Variants in SLC25A48 observed in about 807,000 individuals in gnomAD.
SLC25A48 encodes CTC-321K16.1.
SLC25A48 carries 29 observed loss-of-function variants against 32.2 expected under a neutral mutation model. The observed-to-expected ratio is 0.90, with a 90% CI of 0.67 to 1.23. The LOEUF is 1.23. SLC25A48 is among the 50% of genes most tolerant of loss of function. SLC25A48 has a pLI of 0.00. For synonymous variants in SLC25A48, 164 were observed against 172.3 expected (o/e 0.95, Z 0.38); for missense variants, 399 against 422.7 (o/e 0.94, Z 0.49).
At chr5:135,796,720 C>G (rs923103744) in intron 3 of SLC25A48, among the ~76,000 whole-genome samples, 1 of 151,540 alleles carries the variant, frequency 6.6e-6, no homozygotes, top group Admixed American at 6.6e-5. Flanking sequence ...TTGTGAAGAT[C>G]GTGATATTAC....
chr5:135,621,281 G>C (rs1244645794), intron 1 of SLC25A48, among the ~76,000 whole-genome samples: 1 of 152,196 alleles, frequency 6.6e-6, no homozygotes, highest in Non-Finnish European at 1.5e-5. Flanking sequence ...GCCTAGAGCA[G>C]TACCTGCTAC....
intron 3 of SLC25A48, among the ~76,000 whole-genome samples, chr5:135,673,040 T>C (rs915287797): frequency 1.3e-5 from 2 of 152,252 alleles, no homozygotes; most frequent in Non-Finnish European, 2.9e-5. Flanking sequence ...TTAATATTCC[T>C]CCATGCTATT....
Position 135,674,549 on chromosome 5 carries a change from G to T in SLC25A48, c.-521+39593G>T, listed in dbSNP as rs561062407. On this transcript the variant is annotated intron_variant, in intron 3 of 10. Transcript: ENST00000646290. ...GAACATGTGATGATTGTCTTTCTGT[G>T]CCTTTTTTTTCTGTGTCTTTTTTTC... Among the ~76,000 whole-genome samples the T allele has an allele frequency of 2.0e-5, 3 of 151,326 alleles. No homozygotes were observed. In the East Asian group the frequency reaches 5.8e-4, roughly 29 times the overall value.
At chr5:135,696,739 C>T (rs1284501911) in intron 3 of SLC25A48, among the ~76,000 whole-genome samples, 1 of 152,156 alleles carries the variant, frequency 6.6e-6, no homozygotes, top group East Asian at 1.9e-4. Flanking sequence ...TGTACACCTG[C>T]GGGAGGCCTC....
intron 3 of SLC25A48, among the ~76,000 whole-genome samples, chr5:135,672,902 C>T (rs1753688211): frequency 6.6e-6 from 1 of 152,128 alleles, no homozygotes; most frequent in African/African-American, 2.4e-5. Context: ...ATGCTCCACC[C>T]CCAAGCATAC....
At chr5:135,698,856 AG>A (rs1754326754) in intron 3 of SLC25A48, among the ~76,000 whole-genome samples, 1 of 152,240 alleles carries the variant, frequency 6.6e-6, no homozygotes, top group African/African-American at 2.4e-5. Context: ...ATCAGAAAAA[AG>A]GACAAACAAG....
At chr5:135,709,776 G>T (rs547225453) in intron 3 of SLC25A48, among the ~76,000 whole-genome samples, 63 of 152,258 alleles carry the variant, frequency 4.1e-4, no homozygotes, top group African/African-American at 1.5e-3. Flanking sequence ...GTTTGTATAA[G>T]ATAATGCCTT....
At chr5:135,737,218 T>G (rs961832964) in intron 3 of SLC25A48, among the ~76,000 whole-genome samples, 1 of 151,922 alleles carries the variant, frequency 6.6e-6, no homozygotes, top group Admixed American at 6.6e-5. Flanking sequence ...TGGGGCCGTT[T>G]TATAGGATTT....
intron 1 of SLC25A48, among the ~76,000 whole-genome samples, chr5:135,587,166 G>C (rs1666431577): frequency 1.3e-5 from 2 of 152,094 alleles, no homozygotes; most frequent in Non-Finnish European, 2.9e-5. Context: ...AAGCAGCTGG[G>C]ACTACAGGCA....
intron 7 of SLC25A48, among the ~76,000 whole-genome samples, chr5:135,880,910 G>C (rs1762422501): frequency 1.3e-5 from 2 of 152,170 alleles, no homozygotes; most frequent in South Asian, 4.2e-4. Context: ...TCTCAGCTAG[G>C]GTGAGTCGCG....
chr5:135,597,302 A>G (rs917796595), intron 1 of SLC25A48, among the ~76,000 whole-genome samples: 2 of 152,216 alleles, frequency 1.3e-5, no homozygotes, highest in East Asian at 3.9e-4. Context: ...CTACAAAATC[A>G]TGGGAAGGGC....
chr5:135,692,261 G>C (rs1354273237), intron 3 of SLC25A48, among the ~76,000 whole-genome samples: 3 of 148,914 alleles, frequency 2.0e-5, no homozygotes, highest in Admixed American at 6.7e-5. Context: ...GGGGGTTGCA[G>C]TGAGCCGAGA....
At chr5:135,744,178 C>A (rs958303642) in intron 3 of SLC25A48, among the ~76,000 whole-genome samples, 1 of 152,122 alleles carries the variant, frequency 6.6e-6, no homozygotes. Context: ...CATGCTTTTT[C>A]CCCTTTTAAA....
At chr5:135,648,603 C>A (rs962643330) in intron 3 of SLC25A48, 2 of 152,206 alleles carry the variant, frequency 1.3e-5, no homozygotes, top group Non-Finnish European at 2.9e-5. Context: ...GGTCCCTAAC[C>A]CCAAGGCCTC....
intron 3 of SLC25A48, among the ~76,000 whole-genome samples, chr5:135,738,590 T>C (rs1011970105): frequency 1.3e-5 from 2 of 152,208 alleles, no homozygotes; most frequent in Non-Finnish European, 2.9e-5. Flanking sequence ...TTTTAGTCCT[T>C]GCACAAGTTG....
At chr5:135,865,409 T>C (rs1032415510) in intron 4 of SLC25A48, among the ~76,000 whole-genome samples, 1 of 152,188 alleles carries the variant, frequency 6.6e-6, no homozygotes, top group Non-Finnish European at 1.5e-5. Context: ...CCAGCCTGTC[T>C]GCTGGAGGAT....
chr5:135,765,317 T>C (rs1011079994), intron 3 of SLC25A48, among the ~76,000 whole-genome samples: 1 of 151,058 alleles, frequency 6.6e-6, no homozygotes, highest in African/African-American at 2.4e-5. Context: ...TTACTTTCCA[T>C]ATCGTGGGGG....
intron 3 of SLC25A48, among the ~76,000 whole-genome samples, chr5:135,767,765 A>C (rs1756281748): frequency 6.6e-6 from 1 of 151,532 alleles, no homozygotes; most frequent in South Asian, 2.1e-4. Context: ...CTAATATCGT[A>C]AACACCCTGT....
At chr5:135,707,653 C>T (rs912859149) in intron 3 of SLC25A48, among the ~76,000 whole-genome samples, 1 of 152,224 alleles carries the variant, frequency 6.6e-6, no homozygotes, top group African/African-American at 2.4e-5. Flanking sequence ...CTTGCTCCAA[C>T]ATCACTCTTC....
Sources: allele counts gnomAD v4.1 joint callset (sites outside exome capture counted in the v4.1 genomes callset), GRCh38; gene constraint gnomAD v4.1.1; transcripts MANE v1.5; gene names NCBI Gene and HGNC (gene_info 2026-07-23, HGNC 2026-07-21).